Variants in TPST1 observed in about 807,000 individuals in gnomAD.
TPST1 encodes the protein protein-tyrosine sulfotransferase 1.
In TPST1, 20 loss-of-function variants were observed where a neutral mutation model predicts 34.8. The observed-to-expected ratio is 0.57, with a 90% CI of 0.40 to 0.84. TPST1 has a LOEUF of 0.84. Among genes scored for constraint, TPST1 ranks in the 40% least tolerant of loss-of-function variants. TPST1 has a pLI of 0.00. For missense variants in TPST1, 353 were observed against 455.5 expected (o/e 0.78, Z 2.05); for synonymous variants, 152 against 159.4 (o/e 0.95, Z 0.35).
At chr7:66,336,859 A>G (rs1342176998) in intron 3 of TPST1, among the ~76,000 whole-genome samples, 1 of 152,220 alleles carries the variant, frequency 6.6e-6, no homozygotes. Context: ...AGCAAGAGAA[A>G]AGAAATGTGT....
chr7:66,343,265 A>G (rs1260733560), intron 3 of TPST1, among the ~76,000 whole-genome samples: 1 of 152,220 alleles, frequency 6.6e-6, no homozygotes, highest in Non-Finnish European at 1.5e-5. Context: ...ACGTGGGTAC[A>G]GCTGGAGGCC....
chr7:66,271,653 T>C (rs570731886), intron 2 of TPST1, among the ~76,000 whole-genome samples: 92 of 152,344 alleles, frequency 6.0e-4, no homozygotes, highest in African/African-American at 2.2e-3. Flanking sequence ...TTATTTCACT[T>C]AGCATAATGT....
intron 2 of TPST1, among the ~76,000 whole-genome samples, chr7:66,251,460 C>G (rs922414088): frequency 3.3e-5 from 5 of 152,150 alleles, no homozygotes; most frequent in African/African-American, 1.2e-4. Context: ...GTGTGAAACA[C>G]CTAGGTTAGT....
At chr7:66,201,243 C>T (rs1229138356), upstream of TPST1, among the ~76,000 whole-genome samples, 1 of 151,964 alleles carries the variant, frequency 6.6e-6, no homozygotes, top group African/African-American at 2.4e-5. Context: ...GTATTCATTC[C>T]TTGTAAATAG....
chr7:66,313,684 C>T (rs1056818711), intron 3 of TPST1, among the ~76,000 whole-genome samples: 2 of 152,064 alleles, frequency 1.3e-5, no homozygotes, highest in African/African-American at 4.8e-5. Context: ...ATTCATGGTG[C>T]TTTTTCTTTT....
In TPST1 at chr7:66,286,595, T is replaced by A. The variant is rs1791039775; in HGVS notation, c.930T>A (p.Val310=). 6.2e-7 allele frequency: 1 copy of A among 1,610,546 alleles called. No individual in the cohort carries two copies. The highest frequency in any genetic ancestry group is 1.3e-5 in the African/African-American group (1 of 74,894). ...GGGTTGGGAAGATACCGCCAGATGT[T>A]TTACAAGACATGGCAGTGATTGCTC... The part of the protein sequence containing the change: ...SKWVGKIPPD[V]LQDMAVIAPM... Residue 310 remains valine (V), a synonymous_variant, in exon 3 of 6, where the codon GTT becomes GTA. Transcript: ENST00000304842.
chr7:66,232,267 A>G (rs1789814171), intron 1 of TPST1, among the ~76,000 whole-genome samples: 1 of 136,342 alleles, frequency 7.3e-6, no homozygotes, highest in Admixed American at 8.1e-5. Flanking sequence ...CTATGGTGTG[A>G]TTATGGCTCA....
Position 66,330,985 on chromosome 7 carries a change from G to T in TPST1, c.1045-21520G>T, listed in dbSNP as rs539341714. The stretch of plus-strand genomic sequence containing the variant: ...AGCTACCTAGATGCTTCTAGCTCAG[G>T]ATCTTTCATGAAGTTGCAGTCAAGC... On this transcript the variant is annotated intron_variant, in intron 3 of 5. Coordinates refer to ENST00000304842, the MANE Select transcript of TPST1 (RefSeq NM_003596.4). 3.9e-5 allele frequency among the ~76,000 whole-genome samples: 6 copies of T among 152,292 alleles called. No individual in the cohort carries two copies. The South Asian group carries it at 1.2e-3, about 32-fold the overall frequency.
Position 66,355,671 on chromosome 7 carries a change from G to A in TPST1, c.1096-1154G>A, listed in dbSNP as rs192064669. ...TCCCAGCACTTTGGGAGGCTGAGGC[G>A]GGCAGATCACTTGAGATTAGGAGTT... On this transcript the variant is annotated intron_variant, in intron 4 of 5. Transcript: ENST00000304842. Among the ~76,000 whole-genome samples, 28 of 151,714 alleles carry A rather than the reference G, an allele frequency of 1.8e-4. No homozygotes were observed. In the East Asian group the frequency reaches 2.3e-3, roughly 13 times the overall value.
rs770091294 is a variant in TPST1 at position 66,240,384 on chromosome 7, T to C, written c.-42T>C. 3.8e-6 allele frequency: 6 copies of C among 1,581,864 alleles called. No individual in the cohort carries two copies. The South Asian group carries it at 7.0e-5, about 19-fold the overall frequency. On this transcript the variant is annotated 5_prime_UTR_variant, in exon 2 of 6. Coordinates refer to ENST00000304842, the MANE Select transcript of TPST1 (RefSeq NM_003596.4). ...GCCTGAACATTTTCCGAAAATCATT[T>C]TGAGCAAAATATCTGTTTAATAACA... is the stretch of plus-strand genomic sequence containing the variant.
chr7:66,284,172 A>G (rs2115914892), intron 2 of TPST1, among the ~76,000 whole-genome samples: 1 of 152,286 alleles, frequency 6.6e-6, no homozygotes, highest in African/African-American at 2.4e-5. Context: ...ACAAGAAATG[A>G]TTATACTTTT....
At chr7:66,242,063 C>A (rs1352645307) in intron 2 of TPST1, among the ~76,000 whole-genome samples, 1 of 152,162 alleles carries the variant, frequency 6.6e-6, no homozygotes, top group Admixed American at 6.5e-5. Context: ...TAGCATTTTG[C>A]TTCTTTTCTT....
chr7:66,213,803 C>G (rs1789329037), intron 1 of TPST1, among the ~76,000 whole-genome samples: 1 of 151,512 alleles, frequency 6.6e-6, no homozygotes, highest in African/African-American at 2.4e-5. Context: ...ATTCCAACAT[C>G]TGATTCATCC....
intron 3 of TPST1, among the ~76,000 whole-genome samples, chr7:66,292,604 G>A (rs1791105145): frequency 8.9e-6 from 1 of 112,214 alleles, no homozygotes; most frequent in African/African-American, 3.7e-5. Flanking sequence ...ATATTTGGGT[G>A]GGAGTGACCC....
At chr7:66,325,033 C>T (rs1183973163) in intron 3 of TPST1, among the ~76,000 whole-genome samples, 4 of 152,066 alleles carry the variant, frequency 2.6e-5, no homozygotes, top group Admixed American at 6.6e-5. Flanking sequence ...CTGCCCAAGA[C>T]GGGGTAATTT....
chr7:66,264,353 GA>G (rs1790548916), intron 2 of TPST1, among the ~76,000 whole-genome samples: 1 of 152,188 alleles, frequency 6.6e-6, no homozygotes, highest in African/African-American at 2.4e-5. Flanking sequence ...GCTTGGCAAG[GA>G]CTGTATGCAT....
intron 3 of TPST1, among the ~76,000 whole-genome samples, chr7:66,300,921 G>A (rs1294277264): frequency 6.6e-6 from 1 of 151,876 alleles, no homozygotes; most frequent in Non-Finnish European, 1.5e-5. Context: ...ACTCCAGCCT[G>A]GGTGACAGAG....
rs200898862 is a variant in TPST1, at chr7:66,240,681, A to T, written c.256A>T (p.Arg86Trp). The change falls in exon 2 of 6, where the codon AGG becomes TGG. Residue 86 changes from arginine to tryptophan, a missense_variant. Transcript: ENST00000304842. Reference sequence around the variant, plus strand: ...GCCTCGGAGTGGAACCACACTCATGAGGGCCATGCTGGACGCACATCCTGA... The same window carrying T: ...GCCTCGGAGTGGAACCACACTCATGTGGGCCATGCTGGACGCACATCCTGA... ...GVPRSGTTLM[R>W]AMLDAHPDIR... The T allele has an allele frequency of 1.9e-5, 31 of 1,614,090 alleles. No individual in the cohort carries two copies. Among genetic ancestry groups the T allele is most frequent in the Non-Finnish European group, 2.5e-5 (29 of 1,180,062 alleles).
intron 3 of TPST1, among the ~76,000 whole-genome samples, chr7:66,343,770 A>G (rs1403883796): frequency 6.6e-6 from 1 of 152,224 alleles, no homozygotes; most frequent in Non-Finnish European, 1.5e-5. Context: ...GCATAACAAG[A>G]ATCAGAACCA....
Sources: gnomAD v4.1 joint callset for allele counts (sites outside exome capture counted in the v4.1 genomes callset) on GRCh38, gnomAD v4.1.1 for gene constraint, MANE v1.5 for transcripts, NCBI Gene and HGNC (gene_info 2026-07-23, HGNC 2026-07-21) for gene names.